Variants in MAGI1 observed in about 807,000 individuals in gnomAD.
MAGI1 encodes membrane-associated guanylate kinase, WW and PDZ domain-containing protein 1.
Under a neutral mutation model 139.9 loss-of-function variants are expected in MAGI1, and 58 were observed. The ratio of observed to expected loss-of-function variants is 0.41; its 90% CI spans 0.34 to 0.52. The LOEUF (loss-of-function observed/expected upper bound fraction) is 0.52, where lower values mean the gene tolerates loss of function less well. MAGI1 is among the 20% of genes least tolerant of loss of function. The pLI is 0.12. For missense variants in MAGI1, 1,874 were observed against 1,901.6 expected (o/e 0.99, Z 0.27); for synonymous variants, 812 against 737.9 (o/e 1.10, Z -1.63).
intron 12 of MAGI1, among the ~76,000 whole-genome samples, chr3:65,426,320 G>A (rs1947041665): frequency 6.6e-6 from 1 of 152,176 alleles, no homozygotes; most frequent in Admixed American, 6.5e-5. Flanking sequence ...AGGGAAGGGG[G>A]ATGGACTAAA....
intron 2 of MAGI1, among the ~76,000 whole-genome samples, chr3:65,554,197 A>C (rs1181484493): frequency 1.3e-5 from 2 of 152,180 alleles, no homozygotes; most frequent in African/African-American, 4.8e-5. Flanking sequence ...TCCCTTTGAG[A>C]AGGCATGGTC....
chr3:65,761,737 C>T (rs776767159), intron 1 of MAGI1, among the ~76,000 whole-genome samples: 4 of 152,058 alleles, frequency 2.6e-5, no homozygotes, highest in Non-Finnish European at 5.9e-5. Flanking sequence ...AAACAGATGC[C>T]CATGATGGCT....
chr3:65,584,594 G>C (rs1249979122), intron 2 of MAGI1, among the ~76,000 whole-genome samples: 3 of 152,058 alleles, frequency 2.0e-5, no homozygotes, highest in Admixed American at 2.0e-4. Flanking sequence ...AAAAGCAGAA[G>C]GAAGGAAGCA....
At chr3:65,775,942 TAAAAA>T (rs11371013) in intron 1 of MAGI1, among the ~76,000 whole-genome samples, 2 of 143,922 alleles carry the variant, frequency 1.4e-5, no homozygotes, top group African/African-American at 5.1e-5. Context: ...ACCCTGTCTT[TAAAAA>T]AAAAAAAAAA....
At chr3:65,649,386 G>A (rs954624260) in intron 1 of MAGI1, among the ~76,000 whole-genome samples, 5 of 152,060 alleles carry the variant, frequency 3.3e-5, no homozygotes, top group African/African-American at 9.7e-5. Flanking sequence ...TAAAAATTAA[G>A]CAAATAAAAT....
At chr3:65,790,673 A>G (rs910697021) in intron 1 of MAGI1, among the ~76,000 whole-genome samples, 2 of 152,236 alleles carry the variant, frequency 1.3e-5, no homozygotes, top group African/African-American at 4.8e-5. Flanking sequence ...AAAGTGGGAA[A>G]GGGGTAGCCC....
chr3:65,869,820 T>C (rs2059875626), intron 1 of MAGI1, among the ~76,000 whole-genome samples: 1 of 152,220 alleles, frequency 6.6e-6, no homozygotes. Flanking sequence ...GCTTGGTGTC[T>C]CACATTCCTC....
At chr3:65,472,132 T>C (rs1459101846) in intron 4 of MAGI1, among the ~76,000 whole-genome samples, 1 of 152,104 alleles carries the variant, frequency 6.6e-6, no homozygotes, top group Non-Finnish European at 1.5e-5. Flanking sequence ...AGATCAACTA[T>C]AAGTAAGGGA....
rs1432887484 is a variant in MAGI1 at position 65,812,466 on chromosome 3, T to TCA, written c.314-190379_314-190378insTG. 7.1e-3 allele frequency among the ~76,000 whole-genome samples: 625 copies of TCA among 87,732 alleles called. 5 individuals are homozygous for TCA. The highest frequency in any genetic ancestry group is 0.02 in the African/African-American group (552 of 27,976). The allele number at this position is 87,732 out of a possible 152,430, so 57.6% of individuals were successfully genotyped here. A position where few individuals can be genotyped will look rare whatever the true frequency, so the allele number is the denominator to read the frequency against. Reference sequence around the variant, plus strand: ...CTCTTTCTCTCTCTCTCTCTCTCTCTCTCACACACACACACACACACACAC... The same window carrying TCA: ...CTCTTTCTCTCTCTCTCTCTCTCTCTCACTCACACACACACACACACACACAC... On this transcript the variant is annotated intron_variant, in intron 1 of 22. Coordinates refer to ENST00000402939, the MANE Select transcript of MAGI1 (RefSeq NM_001033057.2).
At chr3:66,005,289 G>A (rs2066954555) in intron 1 of MAGI1, among the ~76,000 whole-genome samples, 3 of 152,176 alleles carry the variant, frequency 2.0e-5, no homozygotes, top group Admixed American at 2.0e-4. Flanking sequence ...GGCCAAGCAG[G>A]AGATGGGGAG....
intron 2 of MAGI1, among the ~76,000 whole-genome samples, chr3:65,567,996 A>T (rs1301941280): frequency 6.6e-6 from 1 of 152,228 alleles, no homozygotes; most frequent in Non-Finnish European, 1.5e-5. Context: ...AAGGGATATC[A>T]GGATATAAAT....
chr3:65,888,561 T>TA (rs1246381899), intron 1 of MAGI1, among the ~76,000 whole-genome samples: 2 of 152,172 alleles, frequency 1.3e-5, no homozygotes, highest in Non-Finnish European at 2.9e-5. Flanking sequence ...AAATTTTTAA[T>TA]GACATTAGAA....
At chr3:65,518,026 G>A (rs1301381947) in intron 2 of MAGI1, among the ~76,000 whole-genome samples, 2 of 152,068 alleles carry the variant, frequency 1.3e-5, no homozygotes, top group African/African-American at 4.8e-5. Context: ...TAGAACAGAG[G>A]GTTTTGTCTG....
intron 1 of MAGI1, among the ~76,000 whole-genome samples, chr3:65,657,433 C>CAAA (rs34377694): frequency 7.4e-6 from 1 of 134,926 alleles, no homozygotes; most frequent in Admixed American, 7.3e-5. Flanking sequence ...CCATCTCTAT[C>CAAA]AAAAAAAAAA....
chr3:65,363,702 C>A, intron 20 of MAGI1, 94 bp from the exon 21 acceptor site: 4 of 1,017,346 alleles, frequency 3.9e-6, no homozygotes, highest in East Asian at 5.0e-5. Flanking sequence ...AATCTCTATC[C>A]CCCTCTTGGT....
At chr3:65,912,239 A>G (rs1230294615) in intron 1 of MAGI1, among the ~76,000 whole-genome samples, 2 of 150,956 alleles carry the variant, frequency 1.3e-5, no homozygotes, top group African/African-American at 4.8e-5. Flanking sequence ...CTGATCTCAA[A>G]AAAAAAAAAA....
chr3:65,734,080 C>T (rs1387546350), intron 1 of MAGI1, among the ~76,000 whole-genome samples: 1 of 152,120 alleles, frequency 6.6e-6, no homozygotes, highest in Non-Finnish European at 1.5e-5. Context: ...TCGTCTCAGT[C>T]GATTTTTCCC....
chr3:65,930,868 A>T (rs1160550836), intron 1 of MAGI1, among the ~76,000 whole-genome samples: 1 of 152,226 alleles, frequency 6.6e-6, no homozygotes, highest in Admixed American at 6.5e-5. Flanking sequence ...TGGTCTAAAA[A>T]GGGAAGAACC....
intron 1 of MAGI1, among the ~76,000 whole-genome samples, chr3:65,981,681 T>C (rs1053830431): frequency 1.6e-4 from 24 of 152,126 alleles, no homozygotes; most frequent in African/African-American, 4.8e-4. Context: ...GGGGGTGGTT[T>C]CCCCCATATT....
Sources: allele counts gnomAD v4.1 joint callset (sites outside exome capture counted in the v4.1 genomes callset), GRCh38; gene constraint gnomAD v4.1.1; transcripts MANE v1.5; gene names NCBI Gene and HGNC (gene_info 2026-07-23, HGNC 2026-07-21).